Variants in UNC13C observed in about 807,000 individuals in gnomAD.
The protein encoded by UNC13C is protein unc-13 homolog C.
UNC13C carries 174 observed loss-of-function variants against 245.4 expected under a neutral mutation model. The ratio of observed to expected loss-of-function variants is 0.71; its 90% CI spans 0.63 to 0.80. The LOEUF (loss-of-function observed/expected upper bound fraction) is 0.80. Ranked by LOEUF, UNC13C falls within the 30% of genes least tolerant of loss-of-function variation. The pLI is 0.00. For synonymous variants in UNC13C, 992 were observed against 895.1 expected (o/e 1.11, Z -1.93); for missense variants, 2,829 against 2,602.9 (o/e 1.09, Z -1.89).
At chr15:54,623,632 G>C (rs2414331) in intron 31 of UNC13C, among the ~76,000 whole-genome samples, 163 bp from the exon 32 acceptor site, 89,821 of 151,960 alleles carry the variant, frequency 0.59, 27,100 homozygotes, top group Middle Eastern at 0.68. Context: ...CATCAGGTGT[G>C]CCTTCCAGAA....
At chr15:54,429,152 A>G (rs1567264395) in intron 19 of UNC13C, among the ~76,000 whole-genome samples, 1 of 151,768 alleles carries the variant, frequency 6.6e-6, no homozygotes, top group Non-Finnish European at 1.5e-5. Flanking sequence ...TTGCAAAAAG[A>G]ATCTTTGTAC....
intron 2 of UNC13C, among the ~76,000 whole-genome samples, chr15:54,086,186 A>T (rs984484741): frequency 1.3e-5 from 2 of 152,142 alleles, no homozygotes; most frequent in African/African-American, 4.8e-5. Context: ...TAGCTGTAAC[A>T]GTGTGTCTGT....
chr15:53,973,920 C>G (rs1325775436), upstream of UNC13C, among the ~76,000 whole-genome samples: 1 of 152,012 alleles, frequency 6.6e-6, no homozygotes, highest in African/African-American at 2.4e-5. Flanking sequence ...ACAGATTGTG[C>G]CATTTATTAT....
intron 10 of UNC13C, among the ~76,000 whole-genome samples, chr15:54,283,247 A>T (rs963410327): frequency 1.3e-5 from 2 of 152,220 alleles, no homozygotes; most frequent in Non-Finnish European, 2.9e-5. Flanking sequence ...TATCAATTAT[A>T]TACATACCTT....
At chr15:53,945,270 T>C in the UNC13C span, among the ~76,000 whole-genome samples, 2 of 152,240 alleles carry the variant, frequency 1.3e-5, no homozygotes, top group Admixed American at 1.3e-4. Context: ...TGTCAACTTT[T>C]GCTTTTGTTG....
At chr15:53,918,228 G>A in the UNC13C span, among the ~76,000 whole-genome samples, 20 of 152,342 alleles carry the variant, frequency 1.3e-4, no homozygotes, top group African/African-American at 4.6e-4. Context: ...ACGCAAATCC[G>A]TGGAGTCTTC....
At chr15:54,626,205 G>A (rs1050113817) in intron 32 of UNC13C, among the ~76,000 whole-genome samples, 1 of 152,150 alleles carries the variant, frequency 6.6e-6, no homozygotes, top group African/African-American at 2.4e-5. Context: ...AGCTGTCTTA[G>A]GTGGTTGTTA....
chr15:54,431,681 G>T (rs1193641941), intron 19 of UNC13C, among the ~76,000 whole-genome samples: 3 of 151,524 alleles, frequency 2.0e-5, no homozygotes, highest in Non-Finnish European at 4.4e-5. Flanking sequence ...ACTTTCTTTG[G>T]TAAAAAACTT....
chr15:54,123,649 G>C (rs939017528), intron 2 of UNC13C, among the ~76,000 whole-genome samples: 9 of 152,106 alleles, frequency 5.9e-5, no homozygotes, highest in African/African-American at 1.9e-4. Context: ...TCCTTCACCA[G>C]TTTCTCCCAG....
At chr15:54,505,653 C>T (rs1359360571) in intron 22 of UNC13C, among the ~76,000 whole-genome samples, 1 of 150,606 alleles carries the variant, frequency 6.6e-6, no homozygotes, top group Non-Finnish European at 1.5e-5. Flanking sequence ...TGCACACTCT[C>T]ATTCAAGTGT....
chr15:54,440,031 A>G (rs1462183749), intron 19 of UNC13C, among the ~76,000 whole-genome samples: 1 of 151,856 alleles, frequency 6.6e-6, no homozygotes, highest in East Asian at 1.9e-4. Flanking sequence ...TGCAATCCCC[A>G]TAATGTATCA....
intron 17 of UNC13C, among the ~76,000 whole-genome samples, chr15:54,372,077 AAG>A (rs1392805856): frequency 2.0e-5 from 3 of 152,142 alleles, no homozygotes; most frequent in Admixed American, 6.6e-5. Context: ...AAAAATAGCT[AAG>A]AGAGTAGATT....
At chr15:54,353,531 G>A (rs751043356) in intron 17 of UNC13C, among the ~76,000 whole-genome samples, 4 of 152,026 alleles carry the variant, frequency 2.6e-5, no homozygotes, top group African/African-American at 4.8e-5. Context: ...ATTTTTCATC[G>A]CAGCGAAGAG....
intron 16 of UNC13C, among the ~76,000 whole-genome samples, chr15:54,338,019 G>A (rs1401831334): frequency 6.6e-6 from 1 of 152,058 alleles, no homozygotes; most frequent in Non-Finnish European, 1.5e-5. Context: ...ATGAGGAAAG[G>A]GATTTTTGTT....
chr15:54,432,314 G>A (rs1044250625), intron 19 of UNC13C, among the ~76,000 whole-genome samples: 1 of 151,504 alleles, frequency 6.6e-6, no homozygotes, highest in Non-Finnish European at 1.5e-5. Context: ...ATTGAGAGGG[G>A]CATTTTGTCA....
intron 30 of UNC13C, among the ~76,000 whole-genome samples, chr15:54,599,937 G>A (rs894921785): frequency 6.6e-6 from 1 of 152,128 alleles, no homozygotes; most frequent in Non-Finnish European, 1.5e-5. Flanking sequence ...AGGCACTTAA[G>A]TTAGAGGCAT....
rs1320516864 is a variant in UNC13C, at chr15:53,978,795, A to G, written c.-389A>G. ...TCCACTCCTGTTCTAACTATTTGTG[A>G]TTGAAAAAAGGAAACGAGACTAGAA... is the stretch of plus-strand genomic sequence containing the variant. On this transcript the variant is annotated 5_prime_UTR_variant, in exon 1 of 33. Transcript: ENST00000260323. 6.6e-6 allele frequency among the ~76,000 whole-genome samples: 1 copy of G among 152,132 alleles called. No individual in the cohort carries two copies. Among genetic ancestry groups the G allele is most frequent in the Admixed American group, 6.5e-5 (1 of 15,284 alleles).
At chr15:54,471,972 T>C (rs1167648147) in intron 19 of UNC13C, among the ~76,000 whole-genome samples, 2 of 151,726 alleles carry the variant, frequency 1.3e-5, no homozygotes, top group Non-Finnish European at 3.0e-5. Flanking sequence ...CAGTTGTTGA[T>C]AGATAAGAAC....
chr15:53,847,158 A>G, the UNC13C span, among the ~76,000 whole-genome samples: 9 of 152,200 alleles, frequency 5.9e-5, no homozygotes, highest in African/African-American at 2.2e-4. Flanking sequence ...ACTTTGTGCT[A>G]AAACATAATA....
Sources: allele counts gnomAD v4.1 joint callset (sites outside exome capture counted in the v4.1 genomes callset), GRCh38; gene constraint gnomAD v4.1.1; transcripts MANE v1.5; gene names NCBI Gene and HGNC (gene_info 2026-07-23, HGNC 2026-07-21).